ZNF705B: variants seen among roughly 807,000 people sequenced by gnomAD.
ZNF705B encodes the protein zinc finger protein 705B, also known as Putative zinc finger protein 705D-like protein LOC100132396.
ZNF705B carries 1 observed loss-of-function variant against 10.5 expected under a neutral mutation model. The observed-to-expected ratio is 0.10, with a 90% CI of 0.03 to 0.45. ZNF705B has a LOEUF of 0.45. Ranked by LOEUF, ZNF705B falls within the 20% of genes least tolerant of loss-of-function variation. The pLI, the probability that ZNF705B is intolerant of heterozygous loss-of-function variation, is 0.97. For synonymous variants in ZNF705B, 4 were observed against 25.4 expected, an observed-to-expected ratio of 0.16 and a Z score of 2.53; for missense variants, 14 against 84.0, an observed-to-expected ratio of 0.17 and a Z score of 3.26.
At chr8:7,930,957 G>A (rs1172914123) in intron 2 of ZNF705B, among the ~76,000 whole-genome samples, 2 of 126,926 alleles carry the variant, frequency 1.6e-5, no homozygotes, top group Non-Finnish European at 3.7e-5. Flanking sequence ...CTGGGCTCAA[G>A]CAATTCTCCT....
intron 2 of ZNF705B, among the ~76,000 whole-genome samples, chr8:7,933,069 G>T (rs1382341300): frequency 1.7e-5 from 2 of 119,298 alleles, no homozygotes; most frequent in African/African-American, 5.1e-5. Flanking sequence ...TGAAATTAAG[G>T]CTGTTAATCA....
chr8:7,931,617 C>T lies in ZNF705B; in HGVS notation c.-72+1181C>T, dbSNP rs867958406. ...TAGTGACAGCAATGGGTGGGATGGG[C>T]CTGTGCTCTGGCCCTGGAATAGTGC... is the stretch of plus-strand genomic sequence containing the variant. On this transcript the variant is annotated intron_variant, in intron 2 of 6. Transcript: ENST00000400120. Among the ~76,000 whole-genome samples, 98 of 122,244 alleles carry T rather than the reference C, an allele frequency of 8.0e-4. 23 individuals carry two copies. In the Middle Eastern group the frequency reaches 0.013, roughly 16 times the overall value. 80.2% of individuals were successfully genotyped at this position (122,244 alleles called of 152,430 possible). A position where few individuals can be genotyped will look rare whatever the true frequency, so the allele number is the denominator to read the frequency against.
chr8:7,948,223 T>G lies in ZNF705B; in HGVS notation c.12+790T>G, dbSNP rs577071950. ...GTGGAAATGCTTTATAAGGGCTGGTTACAAAAAAAAAAACAATGAAGAGGC... is the reference window on the plus strand; with the variant it reads ...GTGGAAATGCTTTATAAGGGCTGGTGACAAAAAAAAAAACAATGAAGAGGC... On this transcript the variant is annotated intron_variant, in intron 3 of 6. Coordinates refer to ENST00000400120, the MANE Select transcript of ZNF705B (RefSeq NM_001193630.1). Among the ~76,000 whole-genome samples, 170 of 18,428 alleles carry G rather than the reference T, an allele frequency of 9.2e-3. 50 individuals are homozygous for G. Among genetic ancestry groups the G allele is most frequent in the African/African-American group, 0.014 (168 of 12,218 alleles). 12.1% of individuals were successfully genotyped at this position (18,428 alleles called of 152,430 possible).
intron 2 of ZNF705B, among the ~76,000 whole-genome samples, chr8:7,944,736 G>C (rs1820210516): frequency 1.1e-5 from 1 of 89,284 alleles, no homozygotes; most frequent in Non-Finnish European, 2.4e-5. Context: ...TTTGAGAGGC[G>C]GAGACTGGCG....
At chr8:7,926,845 G>A (rs1434586809) in intron 1 of ZNF705B, among the ~76,000 whole-genome samples, 1 of 115,508 alleles carries the variant, frequency 8.7e-6, no homozygotes, top group Non-Finnish European at 2.1e-5. Flanking sequence ...TCTCACTAGA[G>A]ATGTGTTCCT....
At chr8:7,936,846 G>T (rs553153810) in intron 2 of ZNF705B, among the ~76,000 whole-genome samples, 6 of 119,346 alleles carry the variant, frequency 5.0e-5, no homozygotes, top group African/African-American at 1.5e-4. Context: ...ATCTGCACAT[G>T]CACTCCCTGA....
intron 1 of ZNF705B, among the ~76,000 whole-genome samples, chr8:7,928,637 G>T (rs1218912513): frequency 9.6e-6 from 1 of 104,062 alleles, no homozygotes; most frequent in African/African-American, 2.7e-5. Context: ...AAAATGCGTT[G>T]CACTACATGA....
chr8:7,941,202 C>A (rs1441405643), intron 2 of ZNF705B, among the ~76,000 whole-genome samples: 25 of 145,430 alleles, frequency 1.7e-4, no homozygotes, highest in Non-Finnish European at 1.8e-4. Flanking sequence ...TGGGTATATA[C>A]CCAGTAATGG....
chr8:7,927,453 T>G (rs1404680419), intron 1 of ZNF705B, among the ~76,000 whole-genome samples: 2 of 121,402 alleles, frequency 1.6e-5, no homozygotes, highest in African/African-American at 5.0e-5. Flanking sequence ...GTTGGCTGCA[T>G]AAATGTCTTT....
rs1455923254 is a variant in ZNF705B at position 7,927,391 on chromosome 8, G to T, written c.-222+994G>T. Reference sequence around the variant, plus strand: ...CTTAAAAGTTCCTCTTACAGGTTAGGTTCATTTGCATTTCTCTAATGACCA... The same window carrying T: ...CTTAAAAGTTCCTCTTACAGGTTAGTTTCATTTGCATTTCTCTAATGACCA... On this transcript the variant is annotated intron_variant, in intron 1 of 6. Transcript: ENST00000400120. 2.5e-5 allele frequency among the ~76,000 whole-genome samples: 3 copies of T among 121,144 alleles called. 1 individual carries two copies. Among genetic ancestry groups the T allele is most frequent in the East Asian group, 2.4e-4 (1 of 4,250 alleles). 79.5% of individuals were successfully genotyped at this position (121,144 alleles called of 152,430 possible). A position where few individuals can be genotyped will look rare whatever the true frequency, so the allele number is the denominator to read the frequency against.
chr8:7,927,364 G>GC (rs2128940590), intron 1 of ZNF705B, among the ~76,000 whole-genome samples: 1 of 121,214 alleles, frequency 8.2e-6, no homozygotes, highest in East Asian at 2.4e-4. Context: ...TCCAGAAGTT[G>GC]ACTTAAAAGT....
At chr8:7,940,833 C>T (rs1314615437) in intron 2 of ZNF705B, among the ~76,000 whole-genome samples, 2 of 139,670 alleles carry the variant, frequency 1.4e-5, no homozygotes, top group East Asian at 2.1e-4. Context: ...TATCCTGATA[C>T]TCTCCCTCCA....
Position 7,941,245 on chromosome 8 carries a change from G to A in ZNF705B, c.-71-6106G>A, listed in dbSNP as rs1241486871. On this transcript the variant is annotated intron_variant, in intron 2 of 6. Transcript: ENST00000400120. ...GGGTCAAGCGGTATTTCTGGTTGTA[G>A]GTCTTTGAGGAATCACCATACTGTC... Among the ~76,000 whole-genome samples, 48 of 145,006 alleles carry A rather than the reference G, an allele frequency of 3.3e-4. No individual in the cohort carries two copies. In the South Asian group the frequency reaches 0.011, roughly 34 times the overall value.
At chr8:7,944,007 TG>T (rs1820194273) in intron 2 of ZNF705B, among the ~76,000 whole-genome samples, 1 of 7,868 alleles carries the variant, frequency 1.3e-4, no homozygotes, top group Non-Finnish European at 3.7e-4. Flanking sequence ...ATAAATATTT[TG>T]TTTCAGGGCA....
rs1349771676 is a variant in ZNF705B at position 7,932,742 on chromosome 8, C to T, written c.-72+2306C>T. Among the ~76,000 whole-genome samples the T allele has an allele frequency of 3.4e-5, 4 of 117,116 alleles. 1 individual carries two copies. The highest frequency in any genetic ancestry group is 8.2e-5 in the Non-Finnish European group (4 of 48,982). The allele number at this position is 117,116 out of a possible 152,430, so 76.8% of individuals were successfully genotyped here. On this transcript the variant is annotated intron_variant, in intron 2 of 6. Transcript: ENST00000400120. Reference sequence around the variant, plus strand: ...GACATAACTTAACATTGTTTCTTGGCCAAATCAGGCATAGTGAAAAATAAA... The same window carrying T: ...GACATAACTTAACATTGTTTCTTGGTCAAATCAGGCATAGTGAAAAATAAA...
At chr8:7,931,787 G>C (rs1157748364) in intron 2 of ZNF705B, among the ~76,000 whole-genome samples, 1 of 131,184 alleles carries the variant, frequency 7.6e-6, no homozygotes, top group East Asian at 2.3e-4. Flanking sequence ...AGCTCCCTTT[G>C]TTCTGGGGGC....
In ZNF705B at chr8:7,928,396, G is replaced by A. The variant is rs1272373323; in HGVS notation, c.-221-1891G>A. On this transcript the variant is annotated intron_variant, in intron 1 of 6. Coordinates refer to ENST00000400120, the MANE Select transcript of ZNF705B (RefSeq NM_001193630.1). ...TTCATGTATTGATTCTTTCATTCAAGTGTCATTTGTTTAAACAAATACGTG... is the reference window on the plus strand; with the variant it reads ...TTCATGTATTGATTCTTTCATTCAAATGTCATTTGTTTAAACAAATACGTG... Among the ~76,000 whole-genome samples, 9 of 120,866 alleles carry A rather than the reference G, an allele frequency of 7.4e-5. 4 individuals are homozygous for A. The highest frequency in any genetic ancestry group is 1.8e-4 in the Non-Finnish European group (9 of 50,436). The allele number at this position is 120,866 out of a possible 152,430, so 79.3% of individuals were successfully genotyped here.
intron 2 of ZNF705B, among the ~76,000 whole-genome samples, chr8:7,937,248 T>C (rs1337632967): frequency 4.2e-5 from 5 of 118,366 alleles, no homozygotes; most frequent in Non-Finnish European, 8.0e-5. Flanking sequence ...TTGCCCTCTC[T>C]CTGTGTCCTC....
intron 2 of ZNF705B, among the ~76,000 whole-genome samples, chr8:7,936,502 A>T (rs934157795): frequency 2.5e-5 from 3 of 119,204 alleles, no homozygotes; most frequent in African/African-American, 7.7e-5. Flanking sequence ...TTGAATAAAG[A>T]AAATGTAGTA....
Sources: gnomAD v4.1 joint callset for allele counts (sites outside exome capture counted in the v4.1 genomes callset) on GRCh38, gnomAD v4.1.1 for gene constraint, MANE v1.5 for transcripts, NCBI Gene and HGNC (gene_info 2026-07-23, HGNC 2026-07-21) for gene names.